FSTL5: variants seen among roughly 807,000 people sequenced by gnomAD.
FSTL5 encodes follistatin like 5.
Under a neutral mutation model 89.1 loss-of-function variants are expected in FSTL5, and 62 were observed. The ratio of observed to expected loss-of-function variants is 0.70; its 90% CI spans 0.57 to 0.86. The LOEUF (loss-of-function observed/expected upper bound fraction) is 0.86. Ranked by LOEUF, FSTL5 falls within the 40% of genes least tolerant of loss-of-function variation. The pLI is 0.00. For synonymous variants in FSTL5, 383 were observed against 346.2 expected (o/e 1.11, Z -1.18); for missense variants, 1,057 against 1,001.6 (o/e 1.06, Z -0.75).
intron 3 of FSTL5, among the ~76,000 whole-genome samples, chr4:161,958,706 T>A (rs1437257255): frequency 6.6e-6 from 1 of 152,100 alleles, no homozygotes; most frequent in Non-Finnish European, 1.5e-5. Context: ...TGATCTTTTT[T>A]CTCCCACCAC....
At chr4:161,887,107 G>C (rs893674043) in intron 4 of FSTL5, among the ~76,000 whole-genome samples, 2 of 152,044 alleles carry the variant, frequency 1.3e-5, no homozygotes, top group African/African-American at 4.8e-5. Flanking sequence ...TCACATAACA[G>C]CATTAGAAGG....
chr4:161,716,426 G>C (rs572391038), intron 6 of FSTL5, among the ~76,000 whole-genome samples: 2 of 152,078 alleles, frequency 1.3e-5, no homozygotes, highest in Non-Finnish European at 2.9e-5. Flanking sequence ...GCAAAACCCT[G>C]TCTCTACTAA....
chr4:161,574,536 C>A (rs1264256389), intron 8 of FSTL5, among the ~76,000 whole-genome samples: 3 of 151,960 alleles, frequency 2.0e-5, no homozygotes, highest in Non-Finnish European at 4.4e-5. Flanking sequence ...TGACAGGTCC[C>A]AGTGTGTGAT....
chr4:161,707,134 CA>C (rs1178873444), intron 6 of FSTL5, among the ~76,000 whole-genome samples: 1 of 151,636 alleles, frequency 6.6e-6, no homozygotes, highest in African/African-American at 2.4e-5. Context: ...TTAATGTTTT[CA>C]GAGAAAAACA....
At chr4:162,074,762 CCTTACCT>C in intron 2 of FSTL5, among the ~76,000 whole-genome samples, 1 of 151,794 alleles carries the variant, frequency 6.6e-6, no homozygotes, top group Non-Finnish European at 1.5e-5. Flanking sequence ...TACAGACGCT[CCTTACCT>C]TACGATGAGG....
intron 11 of FSTL5, among the ~76,000 whole-genome samples, chr4:161,504,954 T>C (rs1730425971): frequency 6.6e-6 from 1 of 152,106 alleles, no homozygotes; most frequent in South Asian, 2.1e-4. Context: ...GTGATGTTTT[T>C]CTTCCTCTGA....
intron 1 of FSTL5, 114 bp from the exon 2 acceptor site, chr4:162,111,526 C>G: frequency 1.4e-6 from 1 of 721,568 alleles, no homozygotes; most frequent in Non-Finnish European, 2.1e-6. Flanking sequence ...TCAAAACTTG[C>G]TGGTAGTTGC....
intron 8 of FSTL5, among the ~76,000 whole-genome samples, chr4:161,575,884 T>C (rs1360038557): frequency 1.3e-5 from 2 of 152,218 alleles, no homozygotes; most frequent in Non-Finnish European, 2.9e-5. Flanking sequence ...AAATTGTCTC[T>C]GTTTGGAGAT....
chr4:161,866,891 A>C (rs1732109850), intron 4 of FSTL5, among the ~76,000 whole-genome samples: 1 of 151,998 alleles, frequency 6.6e-6, no homozygotes, highest in Non-Finnish European at 1.5e-5. Context: ...ATAATTTATT[A>C]ATTTATATGC....
At chr4:161,406,062 T>A (rs1340949290) in intron 15 of FSTL5, among the ~76,000 whole-genome samples, 1 of 152,068 alleles carries the variant, frequency 6.6e-6, no homozygotes, top group Non-Finnish European at 1.5e-5. Context: ...AAAAAGACAC[T>A]AGATAGAATT....
At chr4:161,865,375 TGAA>T (rs939417625) in intron 4 of FSTL5, among the ~76,000 whole-genome samples, 14 of 152,310 alleles carry the variant, frequency 9.2e-5, no homozygotes, top group African/African-American at 3.1e-4. Context: ...ATAAGTCAGT[TGAA>T]GAATAATTTG....
At chr4:161,564,821 T>C (rs72687548) in intron 8 of FSTL5, among the ~76,000 whole-genome samples, 11,362 of 151,780 alleles carry the variant, frequency 0.075, 546 homozygotes, top group Middle Eastern at 0.17. Flanking sequence ...TCTGCTTGCA[T>C]ACTATTTGTT....
At chr4:161,677,908 G>A (rs115833193) in intron 6 of FSTL5, among the ~76,000 whole-genome samples, 1,751 of 151,480 alleles carry the variant, frequency 0.012, 27 homozygotes, top group South Asian at 0.046. Context: ...TCATTTTGCC[G>A]TTCCACAATG....
intron 6 of FSTL5, among the ~76,000 whole-genome samples, chr4:161,667,402 AATATT>A (rs1736939538): frequency 6.6e-6 from 1 of 152,126 alleles, no homozygotes; most frequent in South Asian, 2.1e-4. Flanking sequence ...TAGTCAAGTT[AATATT>A]AACTGTATGA....
At chr4:161,892,875 A>G (rs1246189693) in intron 4 of FSTL5, among the ~76,000 whole-genome samples, 2 of 152,122 alleles carry the variant, frequency 1.3e-5, no homozygotes, top group South Asian at 2.1e-4. Flanking sequence ...AATTACAACT[A>G]TTATTCAAAT....
intron 6 of FSTL5, among the ~76,000 whole-genome samples, chr4:161,689,383 G>A (rs1737849398): frequency 6.6e-6 from 1 of 151,938 alleles, no homozygotes; most frequent in Non-Finnish European, 1.5e-5. Context: ...CTTGAAATGT[G>A]GTTGGTTTGA....
intron 8 of FSTL5, among the ~76,000 whole-genome samples, chr4:161,579,024 GA>G (rs969085700): frequency 8.5e-4 from 129 of 152,192 alleles, no homozygotes; most frequent in African/African-American, 2.7e-3. Context: ...AGTTTTACAT[GA>G]AAAAATGAGG....
intron 2 of FSTL5, among the ~76,000 whole-genome samples, chr4:162,077,299 A>T (rs1729892131): frequency 6.6e-6 from 1 of 151,776 alleles, no homozygotes; most frequent in Non-Finnish European, 1.5e-5. Context: ...GCATTAATCC[A>T]TTCATGAGGG....
At chr4:161,604,803 T>C (rs1734380140) in intron 7 of FSTL5, among the ~76,000 whole-genome samples, 1 of 152,186 alleles carries the variant, frequency 6.6e-6, no homozygotes, top group African/African-American at 2.4e-5. Flanking sequence ...CTAGGTTTCA[T>C]GTTCTGCTAG....
Sources: gnomAD v4.1 joint callset for allele counts (sites outside exome capture counted in the v4.1 genomes callset) on GRCh38, gnomAD v4.1.1 for gene constraint, MANE v1.5 for transcripts, NCBI Gene and HGNC (gene_info 2026-07-23, HGNC 2026-07-21) for gene names.